The following ENPP2 variants were observed in gnomAD, a reference collection of about 807,000 sequenced individuals.
ENPP2 encodes the protein autotaxin.
A neutral mutation model predicts 120.2 loss-of-function variants in ENPP2; 51 were observed. The observed-to-expected ratio is 0.42, with a 90% confidence interval of 0.34 to 0.54. The LOEUF is 0.54. ENPP2 is among the 20% of genes least tolerant of loss of function. The pLI, the probability that ENPP2 is intolerant of heterozygous loss-of-function variation, is 0.04. For synonymous variants in ENPP2, 365 were observed against 366.4 expected (o/e 1.00, Z 0.04); for missense variants, 920 against 1,066.5 (o/e 0.86, Z 1.91).
intron 1 of ENPP2, among the ~76,000 whole-genome samples, chr8:119,645,922 A>G (rs1198654736): frequency 6.6e-6 from 1 of 151,580 alleles, no homozygotes; most frequent in Non-Finnish European, 1.5e-5. Flanking sequence ...ATTCCCATTC[A>G]TTACCCAGAA....
rs568813165 is a variant in ENPP2 at position 119,582,261 on chromosome 8, G to A, written c.1728+157C>T. Among the ~76,000 whole-genome samples the A allele has an allele frequency of 5.9e-3, 900 of 152,266 alleles. 13 individuals are homozygous for A. The highest frequency in any genetic ancestry group is 0.02 in the African/African-American group (840 of 41,558). ...TAGGGCTCTTTAATTATAAAGTAATGAAATAAAAATTTGAGTTCCTCAGTC... is the reference window on the plus strand; with the variant it reads ...TAGGGCTCTTTAATTATAAAGTAATAAAATAAAAATTTGAGTTCCTCAGTC... On this transcript the variant is annotated intron_variant, in intron 18 of 24. Coordinates refer to ENST00000075322, the MANE Select transcript of ENPP2 (RefSeq NM_001040092.3).
chr8:119,563,869 T>C (rs1423968375), intron 23 of ENPP2, among the ~76,000 whole-genome samples: 1 of 151,926 alleles, frequency 6.6e-6, no homozygotes, highest in African/African-American at 2.4e-5. Context: ...CAATTTATTC[T>C]GTAATTATCT....
At chr8:119,652,505 T>C (rs1817655241) in intron 1 of ENPP2, among the ~76,000 whole-genome samples, 1 of 151,888 alleles carries the variant, frequency 6.6e-6, no homozygotes, top group African/African-American at 2.4e-5. Context: ...CTCTGCCAAC[T>C]ATGCTCCTGA....
At chr8:119,578,992 C>T (rs934605769) in intron 19 of ENPP2, among the ~76,000 whole-genome samples, 3 of 152,210 alleles carry the variant, frequency 2.0e-5, no homozygotes, top group Non-Finnish European at 4.4e-5. Flanking sequence ...TCAAGCGATG[C>T]TCTCAGGAGA....
At chr8:119,565,021 C>A (rs1814299352) in intron 22 of ENPP2, 66 bp from the exon 23 acceptor site, 1 of 1,470,524 alleles carries the variant, frequency 6.8e-7, no homozygotes, top group Non-Finnish European at 9.4e-7. Context: ...TAGCCAAATT[C>A]TCTCTAGGAT....
chr8:119,666,866 C>A (rs1818088835), intron 1 of ENPP2, among the ~76,000 whole-genome samples: 1 of 151,596 alleles, frequency 6.6e-6, no homozygotes, highest in African/African-American at 2.4e-5. Context: ...GGTACACAGA[C>A]AATGGAGAGG....
chr8:119,620,980 G>A (rs1815853097), intron 4 of ENPP2, among the ~76,000 whole-genome samples: 1 of 152,118 alleles, frequency 6.6e-6, no homozygotes, highest in African/African-American at 2.4e-5. Context: ...GGCTAACTGA[G>A]AGCATGTCCT....
At chr8:119,580,575 G>A (rs7832704) in intron 18 of ENPP2, 52,244 of 180,266 alleles carry the variant, frequency 0.29, 8,114 homozygotes, top group African/African-American at 0.36. Context: ...AAGCTAAAAC[G>A]TAATGACTCA....
At chr8:119,623,845 C>T (rs1271840441) in intron 3 of ENPP2, among the ~76,000 whole-genome samples, 5 of 152,056 alleles carry the variant, frequency 3.3e-5, no homozygotes, top group African/African-American at 9.7e-5. Context: ...AGGCTGGTCT[C>T]GAACTCCTGA....
chr8:119,632,850 A>G (rs1373643720), intron 2 of ENPP2, among the ~76,000 whole-genome samples: 1 of 152,348 alleles, frequency 6.6e-6, no homozygotes, highest in East Asian at 1.9e-4. Flanking sequence ...TGGGCCGATC[A>G]CCTGAGGTTG....
intron 1 of ENPP2, among the ~76,000 whole-genome samples, chr8:119,651,641 T>A (rs539249435): frequency 6.6e-6 from 1 of 152,194 alleles, no homozygotes; most frequent in Non-Finnish European, 1.5e-5. Flanking sequence ...GTCTTGATAC[T>A]TGATAATGTT....
intron 1 of ENPP2, among the ~76,000 whole-genome samples, chr8:119,667,911 C>G (rs2130911416): frequency 6.6e-6 from 1 of 152,338 alleles, no homozygotes; most frequent in East Asian, 1.9e-4. Flanking sequence ...CATCCCCTCT[C>G]TTGCATTCCT....
Position 119,569,222 on chromosome 8 carries a change from A to G in ENPP2, c.2053+13T>C. 1.2e-6 allele frequency: 2 copies of G among 1,613,572 alleles called. No homozygotes were observed. Among genetic ancestry groups the G allele is most frequent in the South Asian group, 2.2e-5 (2 of 91,070 alleles). On this transcript the variant is annotated intron_variant, in intron 21 of 24. Transcript: ENST00000075322. Reference sequence around the variant, plus strand: ...CCCTCTGAAGGCATCAGATCTTGATATTCTTAACTTACAAGGAGGAAAGAG... The same window carrying G: ...CCCTCTGAAGGCATCAGATCTTGATGTTCTTAACTTACAAGGAGGAAAGAG...
chr8:119,580,925 T>C (rs1464919784), intron 18 of ENPP2: 1 of 152,262 alleles, frequency 6.6e-6, no homozygotes, highest in South Asian at 2.1e-4. Flanking sequence ...AACTATAGTA[T>C]AGGTTATTTT....
chr8:119,602,036 A>G (rs943100692), intron 9 of ENPP2, among the ~76,000 whole-genome samples: 2 of 152,230 alleles, frequency 1.3e-5, no homozygotes, highest in African/African-American at 4.8e-5. Flanking sequence ...ATAATGCGTT[A>G]TCATTCTGCC....
chr8:119,575,152 C>T (rs1469033450), intron 19 of ENPP2, among the ~76,000 whole-genome samples: 1 of 152,166 alleles, frequency 6.6e-6, no homozygotes, highest in Non-Finnish European at 1.5e-5. Flanking sequence ...GAAAGGTACA[C>T]TGGGCAGGTC....
chr8:119,641,328 A>C (rs906415478), upstream of ENPP2, among the ~76,000 whole-genome samples: 3 of 151,706 alleles, frequency 2.0e-5, no homozygotes, highest in African/African-American at 7.3e-5. Flanking sequence ...AAAAAAAAAA[A>C]CAAAAAAAAG....
intron 2 of ENPP2, among the ~76,000 whole-genome samples, chr8:119,636,698 C>G (rs1395543839): frequency 6.6e-6 from 1 of 151,900 alleles, no homozygotes; most frequent in Non-Finnish European, 1.5e-5. Context: ...TTTTCAAAGA[C>G]TAATAAATCC....
chr8:119,646,887 T>C (rs1404029447), intron 1 of ENPP2, among the ~76,000 whole-genome samples: 1 of 152,176 alleles, frequency 6.6e-6, no homozygotes, highest in African/African-American at 2.4e-5. Flanking sequence ...TACCAACATA[T>C]TTATGAAAAT....
Sources: gnomAD v4.1 joint callset for allele counts (sites outside exome capture counted in the v4.1 genomes callset) on GRCh38, gnomAD v4.1.1 for gene constraint, MANE v1.5 for transcripts, NCBI Gene and HGNC (gene_info 2026-07-23, HGNC 2026-07-21) for gene names.